SCAMP1: variants seen among roughly 807,000 people sequenced by gnomAD.
SCAMP1 encodes the protein secretory carrier membrane protein 1, also known as secretory carrier-associated membrane protein 1.
SCAMP1 carries 15 observed loss-of-function variants against 41.8 expected under a neutral mutation model. That is an observed-to-expected ratio of 0.36 (90% CI 0.24 to 0.55). SCAMP1 has a LOEUF of 0.55. SCAMP1 is among the 20% of genes least tolerant of loss of function. SCAMP1 has a pLI of 0.86. For synonymous variants in SCAMP1, 135 were observed against 136.8 expected (o/e 0.99, Z 0.09); for missense variants, 341 against 412.6 (o/e 0.83, Z 1.50).
In SCAMP1 at chr5:78,421,977, TTAAAA is replaced by T. The variant is rs749947376; in HGVS notation, c.632+20_632+24del. 1 of 1,594,380 alleles carries T rather than the reference TTAAAA, an allele frequency of 6.3e-7. No individual in the cohort carries two copies. The highest frequency in any genetic ancestry group is 8.6e-7 in the Non-Finnish European group (1 of 1,166,138). ...AGCTTTCAGGTAAAATGTGTGTACT[TTAAAA>T]TACACTCTTTAAAACCTGTGAAGTA... On this transcript the variant is annotated intron_variant, in intron 6 of 8. Transcript: ENST00000621999.
rs1249942428 is a variant in SCAMP1, at chr5:78,450,009, G to A, written c.709G>A (p.Ala237Thr). ...CQFAVHVLQA[A>T]GFHNWGNCGW... ...GTTTGCTGTACATGTACTCCAAGCTGCAGGATTTCATAACTGGGGCAATTG... is the reference window on the plus strand; with the variant it reads ...GTTTGCTGTACATGTACTCCAAGCTACAGGATTTCATAACTGGGGCAATTG... Residue 237 changes from alanine to threonine, a missense_variant, in exon 7 of 9, where the codon GCA (alanine) becomes ACA (threonine). Physicochemically the swap from Ala to Thr is moderately conservative, Grantham distance 58. Coordinates refer to ENST00000621999, the MANE Select transcript of SCAMP1 (RefSeq NM_004866.6). 2 of 1,566,260 alleles carry A rather than the reference G, an allele frequency of 1.3e-6. No individual in the cohort carries two copies. Among genetic ancestry groups the A allele is most frequent in the Non-Finnish European group, 1.7e-6 (2 of 1,160,644 alleles).
chr5:78,442,400 A>G (rs1300777171), intron 6 of SCAMP1, among the ~76,000 whole-genome samples: 1 of 152,096 alleles, frequency 6.6e-6, no homozygotes, highest in Non-Finnish European at 1.5e-5. Flanking sequence ...CCTCCTGAGT[A>G]GGTGTCCACA....
chr5:78,476,601 G>C lies in SCAMP1; in HGVS notation c.*933G>C, dbSNP rs1273136719. 3 of 152,576 alleles carry C rather than the reference G, an allele frequency of 2.0e-5. No individual in the cohort carries two copies. Among genetic ancestry groups the C allele is most frequent in the East Asian group, 3.9e-4 (2 of 5,188 alleles). 9.5% of individuals were successfully genotyped at this position (152,576 alleles called of 1,614,324 possible). A position where few individuals can be genotyped will look rare whatever the true frequency, so the allele number is the denominator to read the frequency against. ...CTCTTTTTTGGGGATGTGTGTGTGT[G>C]ATTTTTAACAGAGGTATTAAAGGCT... is the stretch of plus-strand genomic sequence containing the variant. On this transcript the variant is annotated 3_prime_UTR_variant, in exon 9 of 9. Coordinates refer to ENST00000621999, the MANE Select transcript of SCAMP1 (RefSeq NM_004866.6).
chr5:78,423,758 G>A (rs1752398398), intron 6 of SCAMP1, among the ~76,000 whole-genome samples: 1 of 151,842 alleles, frequency 6.6e-6, no homozygotes, highest in South Asian at 2.1e-4. Flanking sequence ...TCCCTAGGCT[G>A]AGTTTTTAGC....
intron 2 of SCAMP1, among the ~76,000 whole-genome samples, chr5:78,396,371 T>A (rs191568647): frequency 6.6e-6 from 1 of 152,316 alleles, no homozygotes; most frequent in Admixed American, 6.5e-5. Flanking sequence ...GGAAAATCTC[T>A]GTACCTTCCT....
Position 78,421,869 on chromosome 5 carries a change from G to A in SCAMP1, c.541G>A (p.Ala181Thr). 6.2e-7 allele frequency: 1 copy of A among 1,613,838 alleles called. No individual in the cohort carries two copies. Among genetic ancestry groups the A allele is most frequent in the Non-Finnish European group, 8.5e-7 (1 of 1,179,784 alleles). The change falls in exon 6 of 9, where the codon GCG becomes ACG. Residue 181 changes from alanine to threonine, a missense_variant. By Grantham distance (58) the Ala-to-Thr change is moderately conservative. Coordinates refer to ENST00000621999, the MANE Select transcript of SCAMP1 (RefSeq NM_004866.6). Reference sequence around the variant, plus strand: ...TTGGTTTTGTGTTGATTCTGCAAGAGCGGTTGATTTTGGATTGAGTATCCT... The same window carrying A: ...TTGGTTTTGTGTTGATTCTGCAAGAACGGTTGATTTTGGATTGAGTATCCT... The part of the protein sequence containing the change: ...LAWFCVDSAR[A>T]VDFGLSILWF...
intron 1 of SCAMP1, among the ~76,000 whole-genome samples, chr5:78,384,173 T>TTTG (rs1441211718): frequency 6.1e-5 from 5 of 81,576 alleles, no homozygotes; most frequent in Non-Finnish European, 1.6e-4. Context: ...ATTCCCAAGT[T>TTTG]TTTTTTCTTT....
At chr5:78,474,272 A>G (rs562035875) in intron 8 of SCAMP1, among the ~76,000 whole-genome samples, 3 of 152,144 alleles carry the variant, frequency 2.0e-5, no homozygotes, top group Non-Finnish European at 2.9e-5. Context: ...ATTTTAACAT[A>G]AGAATTTTGG....
chr5:78,390,945 G>C (rs4571451), intron 2 of SCAMP1, among the ~76,000 whole-genome samples: 38,524 of 146,432 alleles, frequency 0.26, 4,325 homozygotes, highest in East Asian at 0.49. Context: ...CACAGCACAT[G>C]TTTCAGAGAG....
At chr5:78,375,701 C>T (rs765853166) in intron 1 of SCAMP1, among the ~76,000 whole-genome samples, 1 of 152,142 alleles carries the variant, frequency 6.6e-6, no homozygotes, top group Non-Finnish European at 1.5e-5. Context: ...CTAATCATGT[C>T]TCTTGTCATC....
intron 6 of SCAMP1, among the ~76,000 whole-genome samples, chr5:78,435,206 T>C (rs1752718343): frequency 6.6e-6 from 1 of 152,238 alleles, no homozygotes; most frequent in Admixed American, 6.5e-5. Flanking sequence ...GCCTGCAGGC[T>C]TATTAACATG....
rs145925039 is a variant in SCAMP1 at position 78,383,978 on chromosome 5, G to A, written c.58-4859G>A. On this transcript the variant is annotated intron_variant, in intron 1 of 8. Transcript: ENST00000621999. ...TCTAGTTCTGTGAAGAATGATGATG[G>A]TATTTTGATGTTAATTGCATTGAAT... is the stretch of plus-strand genomic sequence containing the variant. Among the ~76,000 whole-genome samples, 9 of 152,200 alleles carry A rather than the reference G, an allele frequency of 5.9e-5. No homozygotes were observed. The East Asian group carries it at 1.7e-3, about 29-fold the overall frequency.
rs1189365616 is a variant in SCAMP1, at chr5:78,382,811, G to GTGTGTGTGTGTGTGTGTT, written c.58-6018_58-6017insTGTGTGTGTTTGTGTGTG. Among the ~76,000 whole-genome samples the GTGTGTGTGTGTGTGTGTT allele has an allele frequency of 2.0e-3, 139 of 69,264 alleles. 1 individual carries two copies. Among genetic ancestry groups the GTGTGTGTGTGTGTGTGTT allele is most frequent in the African/African-American group, 5.0e-3 (123 of 24,778 alleles). The allele number at this position is 69,264 out of a possible 152,430, so 45.4% of individuals were successfully genotyped here. A position where few individuals can be genotyped will look rare whatever the true frequency, so the allele number is the denominator to read the frequency against. ...TGTGTGTGTGTGTGTGTGTGTGTGT[G>GTGTGTGTGTGTGTGTGTT]TGTGTGTGCGCCACATTTTCTGTAT... On this transcript the variant is annotated intron_variant, in intron 1 of 8. Transcript: ENST00000621999.
intron 6 of SCAMP1, among the ~76,000 whole-genome samples, chr5:78,447,080 C>T (rs1753069213): frequency 6.6e-6 from 1 of 152,218 alleles, no homozygotes. Context: ...ACTGCGTGTG[C>T]AAAGGATCTA....
Position 78,363,273 on chromosome 5 carries a change from C to T in SCAMP1, c.57+2545C>T, listed in dbSNP as rs573851577. ...TGTCGCCCAGGTTGGAGTGCAGTGG[C>T]GCGATCTCTGCTCACTGCAAGCGCT... On this transcript the variant is annotated intron_variant, in intron 1 of 8. Coordinates refer to ENST00000621999, the MANE Select transcript of SCAMP1 (RefSeq NM_004866.6). Among the ~76,000 whole-genome samples the T allele has an allele frequency of 1.1e-4, 17 of 151,272 alleles. 1 individual carries two copies. Among genetic ancestry groups the T allele is most frequent in the African/African-American group, 2.7e-4 (11 of 41,150 alleles).
chr5:78,418,772 C>T lies in SCAMP1; in HGVS notation c.344-3C>T, dbSNP rs1378335528. ...CTTTTCTTTTTCTAAAAAAAATTTA[C>T]AGGTAGAAAAAATAATTGGCCACCT... On this transcript the variant is annotated splice_region_variant and splice_polypyrimidine_tract_variant and intron_variant, in intron 4 of 8. Coordinates refer to ENST00000621999, the MANE Select transcript of SCAMP1 (RefSeq NM_004866.6). 6 of 1,498,612 alleles carry T rather than the reference C, an allele frequency of 4.0e-6. No homozygotes were observed. Among genetic ancestry groups the T allele is most frequent in the Admixed American group, 4.8e-5 (2 of 41,648 alleles). 92.8% of individuals were successfully genotyped at this position (1,498,612 alleles called of 1,614,324 possible).
intron 8 of SCAMP1, among the ~76,000 whole-genome samples, chr5:78,469,916 A>AAAAAAAAAAAAAAAAACAAC (rs1230863624): frequency 2.8e-5 from 2 of 71,088 alleles, no homozygotes; most frequent in Admixed American, 2.9e-4. Context: ...AAAAAAACAA[A>AAAAAAAAAAAAAAAAACAAC]AAAAAAAAAA....
chr5:78,436,828 T>C (rs1752769483), intron 6 of SCAMP1, among the ~76,000 whole-genome samples: 1 of 152,210 alleles, frequency 6.6e-6, no homozygotes, highest in Non-Finnish European at 1.5e-5. Context: ...ATGGCCATTT[T>C]CACGATATTG....
At chr5:78,362,950 T>A (rs1433541737) in intron 1 of SCAMP1, among the ~76,000 whole-genome samples, 1 of 149,372 alleles carries the variant, frequency 6.7e-6, no homozygotes, top group Non-Finnish European at 1.5e-5. Flanking sequence ...TGGAGTGCAA[T>A]GGCGTGATCT....
Sources: allele counts gnomAD v4.1 joint callset (sites outside exome capture counted in the v4.1 genomes callset), GRCh38; gene constraint gnomAD v4.1.1; transcripts MANE v1.5; gene names NCBI Gene and HGNC (gene_info 2026-07-23, HGNC 2026-07-21).